GNAQ: variants seen among roughly 807,000 people sequenced by gnomAD.
The protein encoded by GNAQ is G protein subunit alpha q.
GNAQ carries 8 observed loss-of-function variants against 43.9 expected under a neutral mutation model. That is an observed-to-expected ratio of 0.18 (90% confidence interval 0.11 to 0.33). The LOEUF (loss-of-function observed/expected upper bound fraction) is 0.33. Ranked by LOEUF, GNAQ falls within the 10% of genes least tolerant of loss-of-function variation. The pLI is 1.00. For missense variants in GNAQ, 158 were observed against 450.8 expected (o/e 0.35, Z 5.88); for synonymous variants, 155 against 170.7 (o/e 0.91, Z 0.71).
intron 5 of GNAQ, among the ~76,000 whole-genome samples, chr9:77,761,394 A>C (rs1181754026): frequency 5.0e-5 from 6 of 120,538 alleles, no homozygotes; most frequent in East Asian, 3.0e-4. Context: ...GGCCGCCCCT[A>C]CTGGGAAGTG....
chr9:77,817,369 T>C (rs560090868), intron 2 of GNAQ, among the ~76,000 whole-genome samples: 4 of 151,580 alleles, frequency 2.6e-5, no homozygotes, highest in African/African-American at 9.7e-5. Context: ...AAGTGGTAGA[T>C]GTTCAATAAA....
Position 78,018,532 on chromosome 9 carries a change from T to C in GNAQ, c.136+12568A>G, listed in dbSNP as rs572145433. ...ATGTAATTAAATAACAGAATGTGGG[T>C]TGTCATTCTTTCAAAGACTAGCATG... On this transcript the variant is annotated intron_variant, in intron 1 of 6. Transcript: ENST00000286548. Among the ~76,000 whole-genome samples, 44 of 152,294 alleles carry C rather than the reference T, an allele frequency of 2.9e-4. 1 individual carries two copies. The highest frequency in any genetic ancestry group is 2.7e-3 in the Admixed American group (41 of 15,302).
At chr9:77,929,900 A>C (rs1360253706) in intron 1 of GNAQ, among the ~76,000 whole-genome samples, 1 of 152,200 alleles carries the variant, frequency 6.6e-6, no homozygotes, top group East Asian at 1.9e-4. Flanking sequence ...ATACTATGAC[A>C]ATTATTCTCT....
intron 5 of GNAQ, among the ~76,000 whole-genome samples, chr9:77,788,646 G>C (rs1826521392): frequency 6.6e-6 from 1 of 152,126 alleles, no homozygotes; most frequent in African/African-American, 2.4e-5. Flanking sequence ...GAAGCAGGTA[G>C]GTCATTATTT....
intron 1 of GNAQ, among the ~76,000 whole-genome samples, chr9:77,989,036 T>C (rs1564171852): frequency 6.6e-6 from 1 of 152,198 alleles, no homozygotes; most frequent in Non-Finnish European, 1.5e-5. Flanking sequence ...TGGATAACTA[T>C]TTTGTTTATT....
intron 2 of GNAQ, among the ~76,000 whole-genome samples, chr9:77,855,601 A>C (rs891370685): frequency 1.3e-5 from 2 of 152,162 alleles, no homozygotes; most frequent in Non-Finnish European, 2.9e-5. Flanking sequence ...AAACCCCGTA[A>C]TTAAACATGC....
chr9:77,928,056 T>G (rs1341827838), intron 1 of GNAQ, among the ~76,000 whole-genome samples: 2 of 152,158 alleles, frequency 1.3e-5, no homozygotes, highest in African/African-American at 4.8e-5. Context: ...AAGGAGAAAT[T>G]TTCTACCAAT....
intron 2 of GNAQ, among the ~76,000 whole-genome samples, chr9:77,837,641 G>T (rs1252112155): frequency 8.2e-6 from 1 of 122,274 alleles, no homozygotes; most frequent in Non-Finnish European, 1.9e-5. Flanking sequence ...TCCAAAAAGG[G>T]AATAAAATTA....
chr9:78,017,792 T>C (rs1237925710), intron 1 of GNAQ, among the ~76,000 whole-genome samples: 2 of 152,180 alleles, frequency 1.3e-5, no homozygotes, highest in South Asian at 2.1e-4. Context: ...ATTTGTAGGT[T>C]TGGAGTTCAA....
Position 77,818,400 on chromosome 9 carries a change from T to C in GNAQ, c.322-2630A>G, listed in dbSNP as rs765075585. Among the ~76,000 whole-genome samples, 15 of 151,566 alleles carry C rather than the reference T, an allele frequency of 9.9e-5. 1 individual carries two copies. The highest frequency in any genetic ancestry group is 1.3e-4 in the Non-Finnish European group (9 of 67,974). ...AAATATATACAGATTTTTAAAATTGTGCATATAAACGTTCCCAATGGAAAT... is the reference window on the plus strand; with the variant it reads ...AAATATATACAGATTTTTAAAATTGCGCATATAAACGTTCCCAATGGAAAT... On this transcript the variant is annotated intron_variant, in intron 2 of 6. Coordinates refer to ENST00000286548, the MANE Select transcript of GNAQ (RefSeq NM_002072.5).
At chr9:77,815,517 T>C (rs1826998197) in intron 3 of GNAQ, 99 bp downstream of exon 3, 4 of 704,206 alleles carry the variant, frequency 5.7e-6, no homozygotes, top group Admixed American at 2.9e-5. Flanking sequence ...TAATCATATA[T>C]GACATATACA....
intron 6 of GNAQ, among the ~76,000 whole-genome samples, chr9:77,728,052 T>C: frequency 6.6e-6 from 1 of 152,066 alleles, no homozygotes; most frequent in Non-Finnish European, 1.5e-5. Flanking sequence ...TGGAGTGCAG[T>C]GGCGCGATCT....
chr9:78,015,342 C>T (rs1015277432), intron 1 of GNAQ, among the ~76,000 whole-genome samples: 1 of 152,134 alleles, frequency 6.6e-6, no homozygotes, highest in Non-Finnish European at 1.5e-5. Flanking sequence ...ACAATAACAA[C>T]ATCATCTGGC....
At chr9:77,986,403 C>T (rs1482918403) in intron 1 of GNAQ, among the ~76,000 whole-genome samples, 1 of 152,136 alleles carries the variant, frequency 6.6e-6, no homozygotes, top group Non-Finnish European at 1.5e-5. Flanking sequence ...AAGCAGCAAC[C>T]CTCAAACCTA....
intron 1 of GNAQ, among the ~76,000 whole-genome samples, chr9:77,952,484 A>C (rs748655115): frequency 2.0e-5 from 3 of 152,228 alleles, no homozygotes; most frequent in Non-Finnish European, 2.9e-5. Context: ...TAAGTATGTT[A>C]GCAGTATCCA....
At chr9:77,920,012 G>A (rs748666417) in intron 2 of GNAQ, among the ~76,000 whole-genome samples, 8 of 152,046 alleles carry the variant, frequency 5.3e-5, no homozygotes, top group Non-Finnish European at 1.0e-4. Flanking sequence ...GGTGGTGCAC[G>A]CCTGTAGTCC....
chr9:78,018,142 T>G (rs1212345407), intron 1 of GNAQ, among the ~76,000 whole-genome samples: 1 of 151,960 alleles, frequency 6.6e-6, no homozygotes, highest in Non-Finnish European at 1.5e-5. Context: ...CAGCATTATT[T>G]TTAAAATGAA....
chr9:77,858,689 G>A (rs1453678759), intron 2 of GNAQ, among the ~76,000 whole-genome samples: 1 of 151,538 alleles, frequency 6.6e-6, no homozygotes, highest in Middle Eastern at 3.2e-3. Context: ...TTCTCTGCTT[G>A]GCTCTTTCTT....
At position 77,751,202 on chromosome 9, in the gene GNAQ, C is replaced by T. The variant is rs190099861; in HGVS notation, c.736-22535G>A. 3.6e-3 allele frequency among the ~76,000 whole-genome samples: 550 copies of T among 152,330 alleles called. 2 individuals carry two copies. The highest frequency in any genetic ancestry group is 0.012 in the African/African-American group (492 of 41,578). On this transcript the variant is annotated intron_variant, in intron 5 of 6. Coordinates refer to ENST00000286548, the MANE Select transcript of GNAQ (RefSeq NM_002072.5). ...GGAAATTAGTAATGGCCTGCCTTTT[C>T]CCTCAAACCACTGCCTAATGCCTTG...
Sources: allele counts gnomAD v4.1 joint callset (sites outside exome capture counted in the v4.1 genomes callset), GRCh38; gene constraint gnomAD v4.1.1; transcripts MANE v1.5; gene names NCBI Gene and HGNC (gene_info 2026-07-23, HGNC 2026-07-21).